The following PARD3B variants were observed in gnomAD, a reference collection of about 807,000 sequenced individuals.
PARD3B encodes the protein par-3 family cell polarity regulator beta.
Under a neutral mutation model 130.2 loss-of-function variants are expected in PARD3B, and 103 were observed. That is an observed-to-expected ratio of 0.79 (90% CI 0.67 to 0.93). PARD3B has a LOEUF of 0.93. Among genes scored for constraint, PARD3B ranks in the 40% least tolerant of loss-of-function variants. The pLI, the probability that PARD3B is intolerant of heterozygous loss-of-function variation, is 0.00. For missense variants in PARD3B, 1,609 were observed against 1,499.2 expected (o/e 1.07, Z -1.21); for synonymous variants, 583 against 553.2 (o/e 1.05, Z -0.76).
At chr2:205,209,811 TAGAA>T (rs1483414462) in intron 15 of PARD3B, among the ~76,000 whole-genome samples, 1 of 151,834 alleles carries the variant, frequency 6.6e-6, no homozygotes, top group Non-Finnish European at 1.5e-5. Context: ...AAAAAAAAAT[TAGAA>T]TGAATGAATA....
At chr2:205,614,794 G>A (rs567797910) in intron 22 of PARD3B, among the ~76,000 whole-genome samples, 13 of 151,972 alleles carry the variant, frequency 8.6e-5, no homozygotes, top group Admixed American at 3.9e-4. Context: ...GGAGGGGAGG[G>A]ACATATGAAT....
At chr2:205,326,619 GA>G (rs767374362) in intron 18 of PARD3B, among the ~76,000 whole-genome samples, 2 of 152,006 alleles carry the variant, frequency 1.3e-5, no homozygotes, top group African/African-American at 4.8e-5. Context: ...GAAAATTGGG[GA>G]AAAAATTTAC....
chr2:204,999,572 G>A (rs577381568), intron 3 of PARD3B, among the ~76,000 whole-genome samples: 5 of 152,260 alleles, frequency 3.3e-5, no homozygotes, highest in African/African-American at 1.2e-4. Flanking sequence ...AGATGAGAAC[G>A]TTTTCCCTGT....
chr2:205,426,264 C>A (rs2047142836), intron 19 of PARD3B, among the ~76,000 whole-genome samples: 1 of 152,022 alleles, frequency 6.6e-6, no homozygotes, highest in African/African-American at 2.4e-5. Flanking sequence ...AATACTACTA[C>A]TACTAATAAT....
chr2:205,150,246 T>TGC (rs1332015434), intron 10 of PARD3B, among the ~76,000 whole-genome samples: 53 of 128,516 alleles, frequency 4.1e-4, no homozygotes, highest in Admixed American at 1.4e-3. Flanking sequence ...TGTGTGTGTG[T>TGC]GTGTGTGCAC....
At chr2:204,922,088 T>G (rs561430446) in intron 2 of PARD3B, among the ~76,000 whole-genome samples, 16 of 152,250 alleles carry the variant, frequency 1.1e-4, no homozygotes, top group Admixed American at 5.2e-4. Context: ...ATCATGAATT[T>G]AGTTTGCATT....
rs1288113332 is a variant in PARD3B, at chr2:205,352,889, AC to A, written c.2631-48118del. Reference sequence around the variant, plus strand: ...TGCCCTATTATATTAGGAAAGAATAACCCCCCACCAGTGGCCACATCATATG... The same window carrying A: ...TGCCCTATTATATTAGGAAAGAATAACCCCCACCAGTGGCCACATCATATG... On this transcript the variant is annotated intron_variant, in intron 18 of 22. Transcript: ENST00000406610. This position sits in a 1 kb window ranked among gnomAD's most constrained non-coding sequence, Gnocchi z 5.2. Among the ~76,000 whole-genome samples the A allele has an allele frequency of 6.6e-6, 1 of 151,978 alleles. No individual in the cohort carries two copies. The highest frequency in any genetic ancestry group is 2.4e-5 in the African/African-American group (1 of 41,354).
At chr2:205,046,645 G>A (rs553853234) in intron 3 of PARD3B, among the ~76,000 whole-genome samples, 1 of 152,100 alleles carries the variant, frequency 6.6e-6, no homozygotes, top group Non-Finnish European at 1.5e-5. Flanking sequence ...AGCTGGAATC[G>A]CTTCAGAGGT....
At chr2:204,745,659 T>A (rs1225730150) in intron 2 of PARD3B, among the ~76,000 whole-genome samples, 4 of 152,074 alleles carry the variant, frequency 2.6e-5, no homozygotes, top group Non-Finnish European at 5.9e-5. Context: ...TGTCTTAGCC[T>A]CCCAAAGTGC....
chr2:205,218,336 A>G (rs1393147327), intron 15 of PARD3B, among the ~76,000 whole-genome samples: 1 of 152,228 alleles, frequency 6.6e-6, no homozygotes, highest in Non-Finnish European at 1.5e-5. Context: ...TATGTGAGAT[A>G]TGAACAAAAT....
intron 3 of PARD3B, among the ~76,000 whole-genome samples, chr2:205,036,159 T>C (rs1465048944): frequency 2.7e-5 from 4 of 146,186 alleles, no homozygotes; most frequent in South Asian, 4.2e-4. Context: ...ATAAAAAATA[T>C]GTAGTATATA....
chr2:205,436,187 C>T (rs984841633), intron 19 of PARD3B, among the ~76,000 whole-genome samples: 2 of 152,160 alleles, frequency 1.3e-5, no homozygotes, highest in Non-Finnish European at 2.9e-5. Flanking sequence ...AGTCACTTCC[C>T]AAAAGGCTTA....
chr2:205,481,585 A>G (rs1473063890), intron 20 of PARD3B, among the ~76,000 whole-genome samples: 2 of 152,228 alleles, frequency 1.3e-5, no homozygotes, highest in African/African-American at 4.8e-5. Context: ...AAACGAAGCC[A>G]ACAATAATAT....
intron 4 of PARD3B, among the ~76,000 whole-genome samples, chr2:205,052,451 A>ATATATATATATATATAT (rs1491236980): frequency 1.8e-3 from 26 of 14,680 alleles, no homozygotes; most frequent in African/African-American, 2.2e-3. Context: ...ATATATATAT[A>ATATATATATATATATAT]AAATTAAAAA....
intron 4 of PARD3B, among the ~76,000 whole-genome samples, chr2:205,090,297 G>T (rs995640004): frequency 1.3e-5 from 2 of 152,154 alleles, no homozygotes; most frequent in Non-Finnish European, 2.9e-5. Context: ...TGATTAAAAA[G>T]ATTTCCTCTT....
In PARD3B at chr2:205,011,681, C is replaced by T. The variant is rs1364157224; in HGVS notation, c.395-35900C>T. Among the ~76,000 whole-genome samples, 1 of 152,136 alleles carries T rather than the reference C, an allele frequency of 6.6e-6. No individual in the cohort carries two copies. Among genetic ancestry groups the T allele is most frequent in the Non-Finnish European group, 1.5e-5 (1 of 68,020 alleles). ...TTATTTTCCGCAGAGAAAGACTCCTCTCCATGTGCCTTACCTGAAGATTTA... is the reference window on the plus strand; with the variant it reads ...TTATTTTCCGCAGAGAAAGACTCCTTTCCATGTGCCTTACCTGAAGATTTA... On this transcript the variant is annotated intron_variant, in intron 3 of 22. Transcript: ENST00000406610. This position sits in a 1 kb window ranked among gnomAD's most constrained non-coding sequence, Gnocchi z 4.1.
chr2:204,719,428 C>A lies in PARD3B; in HGVS notation c.222+33146C>A, dbSNP rs928250545. The stretch of plus-strand genomic sequence containing the variant: ...GACAGAAAATTTAAGTAATGAAAAT[C>A]TTTGATCATCTTAATAGCAGATATC... On this transcript the variant is annotated intron_variant, in intron 2 of 22. Transcript: ENST00000406610. Among the ~76,000 whole-genome samples the A allele has an allele frequency of 9.2e-5, 14 of 152,270 alleles. No individual in the cohort carries two copies. The East Asian group carries it at 2.7e-3, about 29-fold the overall frequency.
At chr2:205,181,227 A>T (rs761127668) in intron 13 of PARD3B, among the ~76,000 whole-genome samples, 2 of 152,182 alleles carry the variant, frequency 1.3e-5, no homozygotes, top group Admixed American at 6.5e-5. Flanking sequence ...CCTCTGAGAC[A>T]CATCATAGTA....
At chr2:204,744,064 A>C (rs933554485) in intron 2 of PARD3B, among the ~76,000 whole-genome samples, 1 of 152,088 alleles carries the variant, frequency 6.6e-6, no homozygotes, top group Non-Finnish European at 1.5e-5. Context: ...CCTTTTTTCT[A>C]TCTGTATTAG....
Sources: gnomAD v4.1 joint callset for allele counts (sites outside exome capture counted in the v4.1 genomes callset) on GRCh38, gnomAD v4.1.1 for gene constraint, Gnocchi (gnomAD v3.1) non-coding constraint, MANE v1.5 for transcripts, NCBI Gene and HGNC (gene_info 2026-07-23, HGNC 2026-07-21) for gene names.